The following BBS9 variants were observed in gnomAD, a reference collection of about 807,000 sequenced individuals.
BBS9 encodes the protein protein PTHB1.
Under a neutral mutation model 117.7 loss-of-function variants are expected in BBS9, and 89 were observed. The ratio of observed to expected loss-of-function variants is 0.76; its 90% CI spans 0.64 to 0.90. The LOEUF (loss-of-function observed/expected upper bound fraction) is 0.90. BBS9 is among the 40% of genes least tolerant of loss of function. The pLI, the probability that BBS9 is intolerant of heterozygous loss-of-function variation, is 0.00. For missense variants in BBS9, 982 were observed against 1,042.2 expected, an observed-to-expected ratio of 0.94 and a Z score of 0.80; for synonymous variants, 379 against 370.9, an observed-to-expected ratio of 1.02 and a Z score of -0.25.
At chr7:33,565,824 T>TATAC (rs1856820191) in intron 21 of BBS9, among the ~76,000 whole-genome samples, 1 of 50,578 alleles carries the variant, frequency 2.0e-5, no homozygotes, top group Non-Finnish European at 3.1e-5. Flanking sequence ...TATATATATA[T>TATAC]ATACCGCTAT....
chr7:33,357,810 T>G, intron 15 of BBS9, 45 bp from the exon 16 acceptor site: 2 of 1,593,848 alleles, frequency 1.3e-6, no homozygotes, highest in Non-Finnish European at 1.7e-6. Context: ...TTTTGCCAAA[T>G]TATTTGTCAA....
In BBS9 at chr7:33,539,160, A is replaced by T. The variant is rs1851894516; in HGVS notation, c.2521+4984A>T. ...AAAATTATAAGATTATACAGGTGTG[A>T]GTTTCCAGCCCAAGCTGAGGTCTGA... On this transcript the variant is annotated intron_variant, in intron 21 of 22. Transcript: ENST00000242067. Among the ~76,000 whole-genome samples the T allele has an allele frequency of 3.9e-5, 6 of 152,200 alleles. No homozygotes were observed. In the South Asian group the frequency reaches 1.2e-3, roughly 32 times the overall value.
At chr7:33,565,197 T>C (rs1314296170) in intron 21 of BBS9, among the ~76,000 whole-genome samples, 1 of 152,194 alleles carries the variant, frequency 6.6e-6, no homozygotes. Flanking sequence ...TTGTCTTCTG[T>C]CCTTCCTACA....
intron 19 of BBS9, among the ~76,000 whole-genome samples, chr7:33,418,643 G>T (rs1584754577): frequency 6.6e-6 from 1 of 152,278 alleles, no homozygotes; most frequent in African/African-American, 2.4e-5. Context: ...TGCTGTGGTG[G>T]CTTCACCCCC....
At chr7:33,359,652 A>G (rs1820265494) in intron 16 of BBS9, among the ~76,000 whole-genome samples, 1 of 152,042 alleles carries the variant, frequency 6.6e-6, no homozygotes, top group Non-Finnish European at 1.5e-5. Context: ...GTATCACTTC[A>G]CTCTGATAAA....
At chr7:33,534,602 T>C (rs999725440) in intron 21 of BBS9, among the ~76,000 whole-genome samples, 1 of 152,124 alleles carries the variant, frequency 6.6e-6, no homozygotes, top group Non-Finnish European at 1.5e-5. Flanking sequence ...ATTGTGGTCA[T>C]CAGAATAAGG....
chr7:33,505,699 T>G, intron 20 of BBS9, 54 bp downstream of exon 20: 3 of 1,578,356 alleles, frequency 1.9e-6, no homozygotes, highest in Non-Finnish European at 2.6e-6. Flanking sequence ...AAGTTTCGGC[T>G]TTAGGAAGAT....
At chr7:33,615,921 C>A (rs2129218275) in intron 21 of BBS9, among the ~76,000 whole-genome samples, 1 of 152,070 alleles carries the variant, frequency 6.6e-6, no homozygotes, top group South Asian at 2.1e-4. Flanking sequence ...AAGAAAAATT[C>A]ACTAGCCTAG....
At chr7:33,262,436 A>G (rs1798113093) in intron 6 of BBS9, among the ~76,000 whole-genome samples, 1 of 152,174 alleles carries the variant, frequency 6.6e-6, no homozygotes. Context: ...TAGCAGGACA[A>G]GCTTTGGGAT....
chr7:33,275,027 G>A (rs930754670), intron 9 of BBS9, among the ~76,000 whole-genome samples: 13 of 143,966 alleles, frequency 9.0e-5, no homozygotes, highest in African/African-American at 3.0e-4. Context: ...GCCATCTGTA[G>A]AATTCTTCAG....
At chr7:33,567,134 G>T (rs1044150846) in intron 21 of BBS9, among the ~76,000 whole-genome samples, 1 of 152,174 alleles carries the variant, frequency 6.6e-6, no homozygotes, top group Non-Finnish European at 1.5e-5. Flanking sequence ...AGTCCAGACT[G>T]TTCTCTATTA....
chr7:33,505,937 G>T (rs1294526592), intron 20 of BBS9, among the ~76,000 whole-genome samples: 1 of 152,204 alleles, frequency 6.6e-6, no homozygotes, highest in Non-Finnish European at 1.5e-5. Context: ...CAGTCTAGAT[G>T]ACAGCAGTAA....
intron 19 of BBS9, among the ~76,000 whole-genome samples, chr7:33,490,415 A>G (rs1432844380): frequency 6.6e-6 from 1 of 152,174 alleles, no homozygotes; most frequent in Non-Finnish European, 1.5e-5. Flanking sequence ...TATCAATGCC[A>G]GGACCAAAGC....
intron 19 of BBS9, among the ~76,000 whole-genome samples, chr7:33,476,612 T>C (rs2128964859): frequency 6.6e-6 from 1 of 152,336 alleles, no homozygotes; most frequent in East Asian, 1.9e-4. Flanking sequence ...ATTGGCTTCC[T>C]GCTGTTGCTA....
At chr7:33,327,348 A>C (rs898954093) in intron 9 of BBS9, among the ~76,000 whole-genome samples, 2 of 152,132 alleles carry the variant, frequency 1.3e-5, no homozygotes, top group Non-Finnish European at 1.5e-5. Flanking sequence ...GTTACTATAG[A>C]GGCACATGTA....
chr7:33,293,814 A>G (rs1170468379), intron 9 of BBS9, among the ~76,000 whole-genome samples: 1 of 152,112 alleles, frequency 6.6e-6, no homozygotes, highest in African/African-American at 2.4e-5. Flanking sequence ...TTTCTCCCAA[A>G]TATCTTTTTT....
intron 1 of BBS9, among the ~76,000 whole-genome samples, chr7:33,133,065 C>T (rs1196139234): frequency 6.6e-6 from 1 of 152,026 alleles, no homozygotes; most frequent in African/African-American, 2.4e-5. Context: ...GCTGGGATTA[C>T]AGGTGTGTGC....
intron 5 of BBS9, among the ~76,000 whole-genome samples, chr7:33,178,570 T>C (rs769846129): frequency 6.6e-6 from 1 of 152,158 alleles, no homozygotes; most frequent in African/African-American, 2.4e-5. Flanking sequence ...GTGGTGACAC[T>C]TACCTGTGTG....
intron 21 of BBS9, among the ~76,000 whole-genome samples, chr7:33,590,466 T>TTTTG (rs1861712325): frequency 2.2e-5 from 3 of 139,472 alleles, no homozygotes; most frequent in African/African-American, 8.3e-5. Context: ...TTTGTTTTTT[T>TTTTG]TTTTTTTTTT....
Sources: gnomAD v4.1 joint callset for allele counts (sites outside exome capture counted in the v4.1 genomes callset) on GRCh38, gnomAD v4.1.1 for gene constraint, MANE v1.5 for transcripts, NCBI Gene and HGNC (gene_info 2026-07-23, HGNC 2026-07-21) for gene names.